Variants in NKAIN3 observed in about 807,000 individuals in gnomAD.
The protein encoded by NKAIN3 is sodium/potassium transporting ATPase interacting 3, also known as sodium/potassium-transporting ATPase subunit beta-1-interacting protein 3.
Under a neutral mutation model 30.2 loss-of-function variants are expected in NKAIN3, and 25 were observed. That is an observed-to-expected ratio of 0.83 (90% CI 0.60 to 1.16). NKAIN3 has a LOEUF of 1.16. Ranked by LOEUF, NKAIN3 falls within the 50% of genes most tolerant of loss-of-function variation. NKAIN3 has a pLI of 0.00. For missense variants in NKAIN3, 225 were observed against 254.1 expected (o/e 0.89, Z 0.78); for synonymous variants, 91 against 89.6 (o/e 1.02, Z -0.09).
chr8:62,539,891 T>A (rs1337236435), intron 1 of NKAIN3, among the ~76,000 whole-genome samples: 2 of 152,174 alleles, frequency 1.3e-5, no homozygotes, highest in African/African-American at 2.4e-5. Context: ...GTGCTTTTTT[T>A]AAGTAAGCAT....
intron 4 of NKAIN3, among the ~76,000 whole-genome samples, chr8:62,841,223 G>T (rs980689939): frequency 6.6e-5 from 10 of 151,956 alleles, no homozygotes; most frequent in Non-Finnish European, 1.2e-4. Context: ...TACATTTATG[G>T]AGTACAATGT....
intron 1 of NKAIN3, among the ~76,000 whole-genome samples, chr8:62,467,752 A>G (rs1298892112): frequency 1.2e-4 from 18 of 152,046 alleles, no homozygotes; most frequent in Admixed American, 1.2e-3. Context: ...TTCATTGAAA[A>G]GAGTTTTTAT....
intron 1 of NKAIN3, among the ~76,000 whole-genome samples, chr8:62,311,066 T>C (rs1358767719): frequency 6.6e-6 from 1 of 150,450 alleles, no homozygotes; most frequent in Non-Finnish European, 1.5e-5. Context: ...TGAAATCTCA[T>C]TCCTGGAGGA....
chr8:62,976,114 A>G lies in NKAIN3; in HGVS notation c.*10707A>G, dbSNP rs911019942. 6.6e-6 allele frequency among the ~76,000 whole-genome samples: 1 copy of G among 152,148 alleles called. No homozygotes were observed. Among genetic ancestry groups the G allele is most frequent in the East Asian group, 1.9e-4 (1 of 5,190 alleles). ...TGTTTTACTTCCAGTTATGTGGTCGATTTTAGGAAAATGTGCTATGTGATG... is the reference window on the plus strand; with the variant it reads ...TGTTTTACTTCCAGTTATGTGGTCGGTTTTAGGAAAATGTGCTATGTGATG... On this transcript the variant is annotated 3_prime_UTR_variant, in exon 7 of 7. Coordinates refer to ENST00000623646, the MANE Select transcript of NKAIN3 (RefSeq NM_001304533.3).
At chr8:62,866,434 T>C (rs1388389796) in intron 4 of NKAIN3, among the ~76,000 whole-genome samples, 2 of 152,220 alleles carry the variant, frequency 1.3e-5, no homozygotes. Flanking sequence ...TGAAATGAAG[T>C]TGAGAAAATG....
chr8:62,795,043 A>G (rs1817819366), intron 4 of NKAIN3, among the ~76,000 whole-genome samples: 1 of 152,150 alleles, frequency 6.6e-6, no homozygotes, highest in Admixed American at 6.6e-5. Context: ...AGCATATCAA[A>G]ATCTGTAGAG....
chr8:62,988,350 C>T (rs950281695), downstream of NKAIN3, among the ~76,000 whole-genome samples: 5 of 152,264 alleles, frequency 3.3e-5, no homozygotes, highest in African/African-American at 7.2e-5. Context: ...TCCAACCCCA[C>T]ATTTGCCTTC....
At chr8:62,745,552 C>T (rs1816042548) in intron 3 of NKAIN3, among the ~76,000 whole-genome samples, 1 of 152,190 alleles carries the variant, frequency 6.6e-6, no homozygotes, top group African/African-American at 2.4e-5. Context: ...AAGTCAAGGT[C>T]CTGGTCCCTA....
intron 2 of NKAIN3, among the ~76,000 whole-genome samples, chr8:62,580,357 A>G (rs1277389249): frequency 2.0e-5 from 3 of 152,200 alleles, no homozygotes; most frequent in African/African-American, 7.2e-5. Context: ...TTTCTATAAC[A>G]TAAAAGAGTT....
rs1490246110 is a variant in NKAIN3 at position 62,794,630 on chromosome 8, C to G, written c.471+47501C>G. The stretch of plus-strand genomic sequence containing the variant: ...TGTTTGAGCTCAGCCCTTCTTCTAG[C>G]CTCATGTTCTTTCCTCTCCATCTCC... On this transcript the variant is annotated intron_variant, in intron 4 of 6. Transcript: ENST00000623646. 3.9e-5 allele frequency among the ~76,000 whole-genome samples: 6 copies of G among 152,248 alleles called. No homozygotes were observed. The South Asian group carries it at 8.3e-4, about 21-fold the overall frequency.
chr8:62,482,132 T>A (rs1218654135), intron 1 of NKAIN3: 1 of 152,246 alleles, frequency 6.6e-6, no homozygotes, highest in Non-Finnish European at 1.5e-5. Flanking sequence ...CTTTCACTGT[T>A]GGTTATCGTT....
chr8:62,325,252 T>C (rs565708021), intron 1 of NKAIN3, among the ~76,000 whole-genome samples: 1 of 152,240 alleles, frequency 6.6e-6, no homozygotes, highest in East Asian at 1.9e-4. Flanking sequence ...CATTCCTGAA[T>C]TACTTCACTT....
At chr8:62,615,376 T>A (rs552479323) in intron 3 of NKAIN3, among the ~76,000 whole-genome samples, 5 of 152,114 alleles carry the variant, frequency 3.3e-5, no homozygotes, top group Admixed American at 2.0e-4. Context: ...ATCTTGCCCC[T>A]CCTCTCCTCA....
chr8:62,491,171 G>T (rs1317390704), intron 1 of NKAIN3, among the ~76,000 whole-genome samples: 6 of 152,200 alleles, frequency 3.9e-5, no homozygotes, highest in Non-Finnish European at 7.3e-5. Flanking sequence ...AAGTTGTGTA[G>T]AAATATGTAT....
intron 1 of NKAIN3, among the ~76,000 whole-genome samples, chr8:62,497,419 C>T (rs529796323): frequency 3.9e-4 from 50 of 128,610 alleles, no homozygotes; most frequent in Admixed American, 8.9e-4. Context: ...ACGGTGATTT[C>T]TAAGTATAAC....
At chr8:62,816,926 G>A (rs1818703243) in intron 4 of NKAIN3, among the ~76,000 whole-genome samples, 1 of 152,176 alleles carries the variant, frequency 6.6e-6, no homozygotes, top group Non-Finnish European at 1.5e-5. Context: ...ACCTGCAAGA[G>A]TTGTGGGGCT....
intron 1 of NKAIN3, among the ~76,000 whole-genome samples, chr8:62,480,827 A>G (rs1806697009): frequency 6.6e-6 from 1 of 152,086 alleles, no homozygotes; most frequent in African/African-American, 2.4e-5. Context: ...GGGATGGGGC[A>G]TGCATTTTCT....
chr8:62,890,297 T>C (rs1299176036), intron 4 of NKAIN3, among the ~76,000 whole-genome samples: 1 of 152,234 alleles, frequency 6.6e-6, no homozygotes, highest in Non-Finnish European at 1.5e-5. Context: ...CAAATAGATG[T>C]TTAGCAAATA....
At chr8:62,411,197 A>G (rs550829051) in intron 1 of NKAIN3, among the ~76,000 whole-genome samples, 2 of 152,326 alleles carry the variant, frequency 1.3e-5, no homozygotes, top group Admixed American at 1.3e-4. Context: ...AAAATTTAAC[A>G]CACCATGATC....
Sources: gnomAD v4.1 joint callset for allele counts (sites outside exome capture counted in the v4.1 genomes callset) on GRCh38, gnomAD v4.1.1 for gene constraint, MANE v1.5 for transcripts, NCBI Gene and HGNC (gene_info 2026-07-23, HGNC 2026-07-21) for gene names.